SLC1A7: variants seen among roughly 807,000 people sequenced by gnomAD.
The protein encoded by SLC1A7 is excitatory amino acid transporter 5.
Under a neutral mutation model 47.7 loss-of-function variants are expected in SLC1A7, and 40 were observed. The observed-to-expected ratio is 0.84, with a 90% CI of 0.65 to 1.09. SLC1A7 has a LOEUF of 1.09. Among genes scored for constraint, SLC1A7 ranks in the 50% least tolerant of loss-of-function variants. The probability of loss-of-function intolerance (pLI) is 0.00; values close to 1 mark genes in which losing one functional copy is unlikely to be tolerated. For synonymous variants in SLC1A7, 323 were observed against 325.6 expected (o/e 0.99, Z 0.09); for missense variants, 746 against 769.5 (o/e 0.97, Z 0.36).
chr1:53,104,656 G>T (rs1010232177), intron 4 of SLC1A7, among the ~76,000 whole-genome samples: 1 of 152,176 alleles, frequency 6.6e-6, no homozygotes, highest in African/African-American at 2.4e-5. Flanking sequence ...TTATTTCATG[G>T]ATGTCAGGAG....
At chr1:53,107,270 C>T (rs1053823206) in intron 3 of SLC1A7, among the ~76,000 whole-genome samples, 2 of 150,350 alleles carry the variant, frequency 1.3e-5, no homozygotes, top group Admixed American at 6.6e-5. Context: ...ACAAAATGAG[C>T]AATAAATCAA....
intron 2 of SLC1A7, among the ~76,000 whole-genome samples, chr1:53,118,112 C>T (rs890434409): frequency 1.3e-5 from 2 of 152,242 alleles, no homozygotes; most frequent in African/African-American, 4.8e-5. Flanking sequence ...GGCTTCCACT[C>T]AGAGCTCACA....
In SLC1A7 at chr1:53,090,861, C is replaced by T. The variant is rs746222080; in HGVS notation, c.1032-55G>A. 22 of 1,560,562 alleles carry T rather than the reference C, an allele frequency of 1.4e-5. No homozygotes were observed. The South Asian group carries it at 2.4e-4, about 17-fold the overall frequency. The stretch of plus-strand genomic sequence containing the variant: ...GCACCCTCCTCCAGGATGGCTGGGG[C>T]CTCTGTCGGGAAGCTCACCCCTCCC... On this transcript the variant is annotated intron_variant, in intron 7 of 10. Coordinates refer to ENST00000371494, the MANE Select transcript of SLC1A7 (RefSeq NM_006671.6).
chr1:53,100,036 C>T (rs1049464107), intron 5 of SLC1A7, among the ~76,000 whole-genome samples: 1 of 151,424 alleles, frequency 6.6e-6, no homozygotes, highest in African/African-American at 2.4e-5. Context: ...ACTCACACCA[C>T]CTTGGTACAC....
At chr1:53,096,767 A>T (rs1225969874) in intron 5 of SLC1A7, among the ~76,000 whole-genome samples, 1 of 149,560 alleles carries the variant, frequency 6.7e-6, no homozygotes, top group Non-Finnish European at 1.5e-5. Flanking sequence ...GCCTTGGTAC[A>T]CTCACAGATA....
intron 2 of SLC1A7, among the ~76,000 whole-genome samples, chr1:53,131,665 T>C (rs887168705): frequency 6.6e-6 from 1 of 152,266 alleles, no homozygotes; most frequent in African/African-American, 2.4e-5. Flanking sequence ...CAATGCATGA[T>C]TGCAGGATCC....
At chr1:53,135,634 A>T (rs978398163) in intron 1 of SLC1A7, among the ~76,000 whole-genome samples, 9 of 152,196 alleles carry the variant, frequency 5.9e-5, no homozygotes, top group African/African-American at 2.2e-4. Flanking sequence ...AAGGGCTGCT[A>T]AGCCCAGTTA....
intron 2 of SLC1A7, among the ~76,000 whole-genome samples, chr1:53,117,499 G>A (rs1288384): frequency 0.99 from 150,114 of 152,326 alleles, 74,007 homozygotes; most frequent in Middle Eastern, 1. Context: ...GATTAGATAG[G>A]AAGGGACGGT....
At chr1:53,113,644 C>T (rs1644723273) in intron 3 of SLC1A7, among the ~76,000 whole-genome samples, 1 of 152,112 alleles carries the variant, frequency 6.6e-6, no homozygotes. Flanking sequence ...TCCCCTCCTA[C>T]CTCCCCTGCA....
chr1:53,095,742 A>ACAACTTGCCTCGGTACACTCAG (rs1557669116), intron 5 of SLC1A7, among the ~76,000 whole-genome samples: 6 of 144,560 alleles, frequency 4.2e-5, no homozygotes, highest in Admixed American at 4.0e-4. Flanking sequence ...GGTACACTCA[A>ACAACTTGCCTCGGTACACTCAG]CTGCCTCGGT....
intron 1 of SLC1A7, 143 bp from the exon 2 acceptor site, chr1:53,134,572 T>G (rs552421966): frequency 1.7e-4 from 94 of 541,588 alleles, no homozygotes; most frequent in Non-Finnish European, 2.2e-4. Flanking sequence ...AGAACTGGCT[T>G]TGGAGCCACA....
Position 53,114,779 on chromosome 1 carries a change from T to A in SLC1A7, c.410A>T (p.Asp137Val). ...TTACCGGATGAGGTCCAACAGGGCA[T>A]CGGCTGAGCTCATGATGGGCTTCCC... ...QSGKPIMSSA[D>V]ALLDLIRNMF... The change falls in exon 3 of 11, where the codon GAT becomes GTT. Residue 137 changes from aspartate (D) to valine (V), a missense_variant. Transcript: ENST00000371494. 6.2e-7 allele frequency: 1 copy of A among 1,614,048 alleles called. No homozygotes were observed. Among genetic ancestry groups the A allele is most frequent in the Non-Finnish European group, 8.5e-7 (1 of 1,180,000 alleles).
At chr1:53,128,065 GA>G in intron 2 of SLC1A7, among the ~76,000 whole-genome samples, 1 of 152,354 alleles carries the variant, frequency 6.6e-6, no homozygotes, top group Admixed American at 6.5e-5. Flanking sequence ...CACACACAGA[GA>G]ACCAGGAGAT....
rs559177905 is a variant in SLC1A7, at chr1:53,094,666, C to T, written c.698-1106G>A. On this transcript the variant is annotated intron_variant, in intron 5 of 10. Transcript: ENST00000371494. The stretch of plus-strand genomic sequence containing the variant: ...GCTGGAGTTGGAGGTGACCCTGGGC[C>T]TACCCCGCCCGCCTGTCTTCCTGCC... Among the ~76,000 whole-genome samples the T allele has an allele frequency of 4.3e-3, 656 of 152,330 alleles. 8 individuals are homozygous for T. Among genetic ancestry groups the T allele is most frequent in the African/African-American group, 0.015 (631 of 41,574 alleles).
chr1:53,095,037 CG>C (rs1644469795), intron 5 of SLC1A7, among the ~76,000 whole-genome samples: 1 of 152,066 alleles, frequency 6.6e-6, no homozygotes. Flanking sequence ...GCACAGGCAC[CG>C]GCAGATGTGG....
chr1:53,097,256 G>A lies in SLC1A7; in HGVS notation c.698-3696C>T, dbSNP rs111835963. Among the ~76,000 whole-genome samples, 402 of 133,186 alleles carry A rather than the reference G, an allele frequency of 3.0e-3. 3 individuals carry two copies. Among genetic ancestry groups the A allele is most frequent in the African/African-American group, 0.011 (380 of 34,328 alleles). 87.4% of individuals were successfully genotyped at this position (133,186 alleles called of 152,430 possible). ...TGCCTCGGTACACTCATTTTTTCTCGGTACACTCACACACCCCGCCTTGGT... is the reference window on the plus strand; with the variant it reads ...TGCCTCGGTACACTCATTTTTTCTCAGTACACTCACACACCCCGCCTTGGT... On this transcript the variant is annotated intron_variant, in intron 5 of 10. Coordinates refer to ENST00000371494, the MANE Select transcript of SLC1A7 (RefSeq NM_006671.6).
chr1:53,139,094 G>A (rs1019439438), intron 1 of SLC1A7, among the ~76,000 whole-genome samples: 5 of 152,056 alleles, frequency 3.3e-5, no homozygotes, highest in African/African-American at 7.2e-5. Flanking sequence ...TTCTGGTGGC[G>A]TGGCTTTCTG....
chr1:53,092,668 A>G lies in SLC1A7; in HGVS notation c.917T>C (p.Leu306Pro). Residue 306 changes from leucine to proline, a missense_variant, in exon 7 of 11, where the codon CTC becomes CCC. Physicochemically the swap from Leu to Pro is moderately conservative, Grantham distance 98. Transcript: ENST00000371494. ...YSVTVVCGLV[L>P]HGLFILPLLY... ...CAGGGGCAGGATAAAGAGCCCGTGG[A>G]GCACCAGCCCGCACACCACGGTGAC... The G allele has an allele frequency of 6.2e-7, 1 of 1,614,008 alleles. No homozygotes were observed. Among genetic ancestry groups the G allele is most frequent in the Non-Finnish European group, 8.5e-7 (1 of 1,179,864 alleles).
chr1:53,105,752 C>T lies in SLC1A7; in HGVS notation c.454G>A (p.Val152Ile). 6.2e-7 allele frequency: 1 copy of T among 1,613,570 alleles called. No individual in the cohort carries two copies. Among genetic ancestry groups the T allele is most frequent in the Non-Finnish European group, 8.5e-7 (1 of 1,179,636 alleles). Residue 152 changes from valine (V) to isoleucine (I), a missense_variant, in exon 4 of 11, where the codon GTA becomes ATA. Transcript: ENST00000371494. The part of the protein sequence containing the change: ...LIRNMFPANL[V>I]EATFKQYRTK... ...CTCACCTGTTTGAATGTGGCTTCTA[C>T]TAGGTTGGCTGGGAACATGTTCCTA...
Sources: allele counts gnomAD v4.1 joint callset (sites outside exome capture counted in the v4.1 genomes callset), GRCh38; gene constraint gnomAD v4.1.1; transcripts MANE v1.5; gene names NCBI Gene and HGNC (gene_info 2026-07-23, HGNC 2026-07-21).